The following CHD1L variants were observed in gnomAD, a reference collection of about 807,000 sequenced individuals.
CHD1L encodes the protein chromodomain helicase DNA binding protein 1 like.
A neutral mutation model predicts 115.9 loss-of-function variants in CHD1L; 118 were observed. The ratio of observed to expected loss-of-function variants is 1.02; its 90% confidence interval spans 0.88 to 1.19. The LOEUF is 1.19. CHD1L is among the 50% of genes most tolerant of loss of function. The probability of loss-of-function intolerance (pLI) is 0.00; values close to 1 mark genes in which losing one functional copy is unlikely to be tolerated. For missense variants in CHD1L, 1,179 were observed against 1,065.3 expected (o/e 1.11, Z -1.49); for synonymous variants, 411 against 387.1 (o/e 1.06, Z -0.72).
At chr1:147,200,906 T>G in the CHD1L span, among the ~76,000 whole-genome samples, 1 of 152,166 alleles carries the variant, frequency 6.6e-6, no homozygotes, top group Non-Finnish European at 1.5e-5. Context: ...CCAGACTAAC[T>G]AAATAAGCAT....
the CHD1L span, chr1:147,201,139 C>T: frequency 1.3e-6 from 2 of 1,575,758 alleles, no homozygotes; most frequent in South Asian, 2.3e-5. Flanking sequence ...AGTCTATTTG[C>T]ATGGTCACTT....
intron 14 of CHD1L, among the ~76,000 whole-genome samples, chr1:147,278,542 T>C (rs1484897002): frequency 2.0e-5 from 3 of 148,716 alleles, no homozygotes; most frequent in Middle Eastern, 6.9e-3. Context: ...TTTTTTTAAA[T>C]ACCAAGAAAC....
rs1047127005 is a variant in CHD1L, at chr1:147,279,905, G to T, written c.1540-121G>T. Reference sequence around the variant, plus strand: ...CTATCTATGATGGGGAGAGCAGAAAGGCTGCCTGTTCATTAGAGAAGGACT... The same window carrying T: ...CTATCTATGATGGGGAGAGCAGAAATGCTGCCTGTTCATTAGAGAAGGACT... On this transcript the variant is annotated intron_variant, in intron 14 of 22. Transcript: ENST00000369258. The T allele has an allele frequency of 4.4e-5, 42 of 945,134 alleles. No individual in the cohort carries two copies. The East Asian group carries it at 1.1e-3, about 24-fold the overall frequency. 58.5% of individuals were successfully genotyped at this position (945,134 alleles called of 1,614,324 possible).
the CHD1L span, among the ~76,000 whole-genome samples, chr1:147,183,780 T>A: frequency 6.6e-6 from 1 of 152,290 alleles, no homozygotes; most frequent in South Asian, 2.1e-4. Context: ...TTGGCACTCT[T>A]AGAAATTCCA....
chr1:147,252,813 G>A (rs1668848785), intron 2 of CHD1L, 78 bp downstream of exon 2: 1 of 1,223,612 alleles, frequency 8.2e-7, no homozygotes, highest in Non-Finnish European at 1.2e-6. Flanking sequence ...TGAGAGCTCT[G>A]GAGCTAAAAC....
chr1:147,190,091 T>G, the CHD1L span: 2 of 848,524 alleles, frequency 2.4e-6, no homozygotes, highest in Non-Finnish European at 3.7e-6. Context: ...TAAGCTAACA[T>G]GAGGCAGTTA....
chr1:147,174,194 T>G, the CHD1L span, among the ~76,000 whole-genome samples: 52 of 152,340 alleles, frequency 3.4e-4, no homozygotes, highest in South Asian at 1.0e-3. Flanking sequence ...GGTACGATTT[T>G]ACTGCAACTT....
chr1:147,212,925 A>C, the CHD1L span, among the ~76,000 whole-genome samples: 55 of 152,196 alleles, frequency 3.6e-4, 1 homozygote, highest in African/African-American at 1.2e-3. Flanking sequence ...TTTTAAAATG[A>C]AAATCCAGGC....
In CHD1L at chr1:147,259,829, T is replaced by G. The variant is rs781896882; in HGVS notation, c.495-8T>G. ...CACAAAACTGAAAGCTTGGGTTTTCTCTCACAGATTCCCTTGGAGTGTTCT... is the reference window on the plus strand; with the variant it reads ...CACAAAACTGAAAGCTTGGGTTTTCGCTCACAGATTCCCTTGGAGTGTTCT... On this transcript the variant is annotated splice_polypyrimidine_tract_variant and splice_region_variant and intron_variant, in intron 5 of 22. Coordinates refer to ENST00000369258, the MANE Select transcript of CHD1L (RefSeq NM_004284.6). 1.2e-6 allele frequency: 2 copies of G among 1,609,604 alleles called. No individual in the cohort carries two copies. The highest frequency in any genetic ancestry group is 2.2e-5 in the South Asian group (2 of 90,370).
At chr1:147,204,097 T>C in the CHD1L span, 1 of 1,070,220 alleles carries the variant, frequency 9.3e-7, no homozygotes, top group Non-Finnish European at 1.5e-6. Flanking sequence ...TAGCTTTGAC[T>C]TATGCATCCA....
the CHD1L span, among the ~76,000 whole-genome samples, chr1:147,200,605 T>A: frequency 6.7e-6 from 1 of 148,928 alleles, no homozygotes; most frequent in South Asian, 2.1e-4. Context: ...TTTTTTTTCA[T>A]ATATTCCTAG....
intron 19 of CHD1L, 87 bp downstream of exon 19, chr1:147,287,820 T>A: frequency 9.4e-7 from 1 of 1,066,938 alleles, no homozygotes; most frequent in Non-Finnish European, 1.4e-6. Flanking sequence ...TACACAGCAC[T>A]AGATAAGGAA....
the CHD1L span, among the ~76,000 whole-genome samples, chr1:147,221,940 A>G: frequency 6.6e-6 from 1 of 152,256 alleles, no homozygotes; most frequent in Non-Finnish European, 1.5e-5. Context: ...TAGTGAGTAG[A>G]AGAAAAAGAA....
At chr1:147,287,607 G>A (rs1233759191) in intron 18 of CHD1L, 28 bp from the exon 19 acceptor site, 3 of 1,572,890 alleles carry the variant, frequency 1.9e-6, no homozygotes. Flanking sequence ...ACCTCCTATA[G>A]ATGAAAATTT....
At chr1:147,199,308 G>A in the CHD1L span, among the ~76,000 whole-genome samples, 1 of 152,118 alleles carries the variant, frequency 6.6e-6, no homozygotes, top group Non-Finnish European at 1.5e-5. Flanking sequence ...GAAGAGAAAG[G>A]CAAGAATGTG....
intron 2 of CHD1L, among the ~76,000 whole-genome samples, chr1:147,253,763 G>T (rs1669162625): frequency 6.6e-6 from 1 of 152,242 alleles, no homozygotes. Context: ...CTCCCAAAGT[G>T]CTGGGATTAC....
chr1:147,274,889 T>G (rs1553956237), intron 12 of CHD1L, among the ~76,000 whole-genome samples: 1 of 152,204 alleles, frequency 6.6e-6, no homozygotes, highest in African/African-American at 2.4e-5. Context: ...CATTAACTTT[T>G]TATCAGAGAT....
At chr1:147,249,011 G>A (rs377701878) in intron 1 of CHD1L, among the ~76,000 whole-genome samples, 5 of 152,154 alleles carry the variant, frequency 3.3e-5, no homozygotes, top group South Asian at 2.1e-4. Context: ...GTATTTACAC[G>A]TTTTTGAATG....
intron 1 of CHD1L, among the ~76,000 whole-genome samples, chr1:147,251,366 A>G (rs1394909349): frequency 6.6e-6 from 1 of 152,080 alleles, no homozygotes; most frequent in African/African-American, 2.4e-5. Flanking sequence ...TTTCTGTAGC[A>G]TGTCTAGGGT....
Sources: gnomAD v4.1 joint callset for allele counts (sites outside exome capture counted in the v4.1 genomes callset) on GRCh38, gnomAD v4.1.1 for gene constraint, MANE v1.5 for transcripts, NCBI Gene and HGNC (gene_info 2026-07-23, HGNC 2026-07-21) for gene names.